AKAP11: variants seen among roughly 807,000 people sequenced by gnomAD.
The protein encoded by AKAP11 is A-kinase anchor protein 11.
A neutral mutation model predicts 146.1 loss-of-function variants in AKAP11; 36 were observed. That is an observed-to-expected ratio of 0.25 (90% CI 0.19 to 0.33). The LOEUF is 0.33. Ranked by LOEUF, AKAP11 falls within the 10% of genes least tolerant of loss-of-function variation. The pLI, the probability that AKAP11 is intolerant of heterozygous loss-of-function variation, is 1.00. For synonymous variants in AKAP11, 780 were observed against 786.5 expected, an observed-to-expected ratio of 0.99 and a Z score of 0.14; for missense variants, 2,201 against 2,197.0, an observed-to-expected ratio of 1.00 and a Z score of -0.04.
At chr13:42,292,835 CAT>C (rs1475358275) in intron 4 of AKAP11, among the ~76,000 whole-genome samples, 10 of 152,112 alleles carry the variant, frequency 6.6e-5, no homozygotes, top group Non-Finnish European at 8.8e-5. Flanking sequence ...TACTCTGAAA[CAT>C]AGAACAAATG....
At chr13:42,311,467 G>C (rs1960560536) in intron 9 of AKAP11, among the ~76,000 whole-genome samples, 1 of 152,152 alleles carries the variant, frequency 6.6e-6, no homozygotes, top group African/African-American at 2.4e-5. Context: ...GATGAAAAAT[G>C]TATACAGTCA....
rs560796612 is a variant in AKAP11 at position 42,320,321 on chromosome 13, G to A, written c.*1093G>A. Reference sequence around the variant, plus strand: ...AAAAATTGGGATTTCCCCCCACCCCGCCCCACCCAGATAAACTATATCTAC... The same window carrying A: ...AAAAATTGGGATTTCCCCCCACCCCACCCCACCCAGATAAACTATATCTAC... On this transcript the variant is annotated 3_prime_UTR_variant, in exon 13 of 13. Transcript: ENST00000025301. 7.8e-4 allele frequency: 36 copies of A among 46,250 alleles called. No homozygotes were observed. Among genetic ancestry groups the A allele is most frequent in the African/African-American group, 2.5e-3 (30 of 11,804 alleles). 2.9% of individuals were successfully genotyped at this position (46,250 alleles called of 1,614,324 possible).
At chr13:42,282,066 T>A (rs1959074983) in intron 1 of AKAP11, among the ~76,000 whole-genome samples, 1 of 151,746 alleles carries the variant, frequency 6.6e-6, no homozygotes, top group Admixed American at 6.6e-5. Context: ...TCTCTTGGGT[T>A]CAAGCAATTC....
At chr13:42,309,294 A>G (rs1412683058) in intron 9 of AKAP11, among the ~76,000 whole-genome samples, 2 of 152,220 alleles carry the variant, frequency 1.3e-5, no homozygotes, top group Admixed American at 6.5e-5. Context: ...ATAAAATTCT[A>G]TAAACTCTTT....
intron 1 of AKAP11, among the ~76,000 whole-genome samples, chr13:42,284,800 C>T (rs1796043188): frequency 6.6e-6 from 1 of 152,196 alleles, no homozygotes; most frequent in South Asian, 2.1e-4. Flanking sequence ...GACGCATGAT[C>T]GTCTTCTGGA....
Position 42,298,662 on chromosome 13 carries a change from C to A in AKAP11, c.481C>A (p.His161Asn). Residue 161 changes from histidine to asparagine, a missense_variant, in exon 7 of 13, where the codon CAT (histidine) becomes AAT (asparagine). Coordinates refer to ENST00000025301, the MANE Select transcript of AKAP11 (RefSeq NM_016248.4). Reference protein sequence around the residue: ...GIRYTLDTFLHQKHQLETTDE... With the variant: ...GIRYTLDTFLNQKHQLETTDE... ...AAGGTACACCTTGGACACATTCTTG[C>A]ATCAGAAGCACCAACTTGAGACCAC... 1 of 1,612,110 alleles carries A rather than the reference C, an allele frequency of 6.2e-7. No individual in the cohort carries two copies. The highest frequency in any genetic ancestry group is 8.5e-7 in the Non-Finnish European group (1 of 1,179,296).
intron 8 of AKAP11, among the ~76,000 whole-genome samples, 181 bp downstream of exon 8, chr13:42,304,044 C>T (rs930378875): frequency 5.3e-5 from 8 of 152,104 alleles, no homozygotes; most frequent in African/African-American, 1.9e-4. Flanking sequence ...ATTTTGGTCT[C>T]CTGATCCCTT....
chr13:42,304,496 G>T (rs1388304140), intron 8 of AKAP11, among the ~76,000 whole-genome samples: 1 of 152,092 alleles, frequency 6.6e-6, no homozygotes, highest in African/African-American at 2.4e-5. Flanking sequence ...ATGGATAAGG[G>T]GGGACTATTC....
intron 11 of AKAP11, 46 bp downstream of exon 11, chr13:42,313,986 G>A: frequency 6.3e-7 from 1 of 1,596,408 alleles, no homozygotes; most frequent in Non-Finnish European, 8.6e-7. Context: ...TTTTGTATAA[G>A]GTTTCCTAGA....
At position 42,300,510 on chromosome 13, in the gene AKAP11, A is replaced by G. The variant is rs1959805900; in HGVS notation, c.1764A>G (p.Thr588=). 6.2e-7 allele frequency: 1 copy of G among 1,614,132 alleles called. No individual in the cohort carries two copies. Among genetic ancestry groups the G allele is most frequent in the Non-Finnish European group, 8.5e-7 (1 of 1,179,982 alleles). The part of the protein sequence containing the change: ...NALYHLAIKL[T]SSVLQMAFDE... ...TGTACCACTTAGCCATCAAATTGAC[A>G]TCATCTGTTTTGCAGATGGCATTTG... The change falls in exon 8 of 13, where the codon ACA becomes ACG. Residue 588 remains threonine (T), a synonymous_variant. Coordinates refer to ENST00000025301, the MANE Select transcript of AKAP11 (RefSeq NM_016248.4).
Position 42,303,124 on chromosome 13 carries a change from T to C in AKAP11, c.4378T>C (p.Ser1460Pro). Residue 1460 changes from serine (S) to proline (P), a missense_variant, in exon 8 of 13, where the codon TCT becomes CCT. Around this residue, in one of 3 missense-constraint regions of AKAP11, gnomAD observed 1,867 missense variants for 1,833.5 expected, o/e 1.02. Coordinates refer to ENST00000025301, the MANE Select transcript of AKAP11 (RefSeq NM_016248.4). ...CTCCCAACTGTATAGTTTTTCAACCTCTCTGGTTCACAGCATAACAAAAGA... is the reference window on the plus strand; with the variant it reads ...CTCCCAACTGTATAGTTTTTCAACCCCTCTGGTTCACAGCATAACAAAAGA... ...EVSQLYSFST[S>P]LVHSITKDAK... is the part of the protein sequence containing the mutation. 1 of 1,614,126 alleles carries C rather than the reference T, an allele frequency of 6.2e-7. No individual in the cohort carries two copies. The highest frequency in any genetic ancestry group is 8.5e-7 in the Non-Finnish European group (1 of 1,180,016).
chr13:42,286,792 A>G (rs1342387033), intron 3 of AKAP11, among the ~76,000 whole-genome samples: 1 of 152,236 alleles, frequency 6.6e-6, no homozygotes, highest in Non-Finnish European at 1.5e-5. Context: ...ACAAGCAAAC[A>G]AAATATGATT....
At chr13:42,278,711 C>T (rs1459934869) in intron 1 of AKAP11, among the ~76,000 whole-genome samples, 1 of 152,120 alleles carries the variant, frequency 6.6e-6, no homozygotes, top group East Asian at 1.9e-4. Context: ...AGAATAACTT[C>T]TGTTACCCTC....
In AKAP11 at chr13:42,321,322, G is replaced by A. The variant is rs939859686; in HGVS notation, c.*2094G>A. ...CTGTTTATGGTGTAATCATTCTGAG[G>A]TGAGGCTTTTCTTATTTCCTTTGCA... On this transcript the variant is annotated 3_prime_UTR_variant, in exon 13 of 13. Coordinates refer to ENST00000025301, the MANE Select transcript of AKAP11 (RefSeq NM_016248.4). 4 of 152,306 alleles carry A rather than the reference G, an allele frequency of 2.6e-5. No individual in the cohort carries two copies. The highest frequency in any genetic ancestry group is 9.7e-5 in the African/African-American group (4 of 41,442). The allele number at this position is 152,306 out of a possible 1,614,324, so 9.4% of individuals were successfully genotyped here.
intron 5 of AKAP11, among the ~76,000 whole-genome samples, chr13:42,296,261 T>TA (rs1959508539): frequency 6.6e-6 from 1 of 152,178 alleles, no homozygotes; most frequent in African/African-American, 2.4e-5. Flanking sequence ...GAATAATGCA[T>TA]ATCAGGTGAT....
intron 11 of AKAP11, among the ~76,000 whole-genome samples, chr13:42,315,333 C>G (rs1166715067): frequency 1.3e-5 from 2 of 152,030 alleles, no homozygotes; most frequent in East Asian, 1.9e-4. Context: ...GATATAAAGT[C>G]GAGATGGGGC....
intron 4 of AKAP11, among the ~76,000 whole-genome samples, chr13:42,294,988 G>A (rs1021582000): frequency 6.6e-6 from 1 of 152,122 alleles, no homozygotes; most frequent in African/African-American, 2.4e-5. Context: ...CATGCATTAG[G>A]TATTCTTTAG....
intron 3 of AKAP11, among the ~76,000 whole-genome samples, chr13:42,290,072 C>T (rs999196946): frequency 6.6e-6 from 1 of 151,974 alleles, no homozygotes; most frequent in Non-Finnish European, 1.5e-5. Flanking sequence ...GTAACTTTTT[C>T]CTTGCTTCTC....
Position 42,302,600 on chromosome 13 carries a change from A to G in AKAP11, c.3854A>G (p.Gln1285Arg), listed in dbSNP as rs148274079. ...AKVRNCMLFK[Q>R]KKNSCYADGD... is the part of the protein sequence containing the mutation. ...GTCCGAAATTGTATGCTTTTCAAGC[A>G]AAAGAAGAACAGTTGTTATGCTGAT... is the stretch of plus-strand genomic sequence containing the variant. Residue 1285 changes from glutamine (Q) to arginine (R), a missense_variant, in exon 8 of 13, where the codon CAA (glutamine) becomes CGA (arginine). Coordinates refer to ENST00000025301, the MANE Select transcript of AKAP11 (RefSeq NM_016248.4). The G allele has an allele frequency of 6.2e-7, 1 of 1,614,232 alleles. No homozygotes were observed. Among genetic ancestry groups the G allele is most frequent in the South Asian group, 1.1e-5 (1 of 91,080 alleles).
Sources: gnomAD v4.1 joint callset for allele counts (sites outside exome capture counted in the v4.1 genomes callset) on GRCh38, gnomAD v4.1.1 for gene constraint, gnomAD v4.1.1 regional missense constraint, MANE v1.5 for transcripts, NCBI Gene and HGNC (gene_info 2026-07-23, HGNC 2026-07-21) for gene names.